The following RSRC1 variants were observed in gnomAD, a reference collection of about 807,000 sequenced individuals.
The protein encoded by RSRC1 is arginine and serine rich coiled-coil 1.
RSRC1 carries 39 observed loss-of-function variants against 49.1 expected under a neutral mutation model. That is an observed-to-expected ratio of 0.79 (90% CI 0.61 to 1.04). The LOEUF (loss-of-function observed/expected upper bound fraction) is 1.04, where lower values mean the gene tolerates loss of function less well. Ranked by LOEUF, RSRC1 falls within the 50% of genes least tolerant of loss-of-function variation. RSRC1 has a pLI of 0.00. For missense variants in RSRC1, 388 were observed against 402.4 expected, an observed-to-expected ratio of 0.96 and a Z score of 0.31; for synonymous variants, 143 against 130.8, an observed-to-expected ratio of 1.09 and a Z score of -0.63.
At chr3:158,286,814 A>G (rs955698296) in intron 4 of RSRC1, among the ~76,000 whole-genome samples, 1 of 152,186 alleles carries the variant, frequency 6.6e-6, no homozygotes, top group African/African-American at 2.4e-5. Context: ...GAGTTATTCA[A>G]ACTTTGCTGT....
At chr3:158,293,566 T>A (rs1727070287) in intron 4 of RSRC1, among the ~76,000 whole-genome samples, 1 of 152,100 alleles carries the variant, frequency 6.6e-6, no homozygotes, top group Non-Finnish European at 1.5e-5. Flanking sequence ...TCTAGTTTTC[T>A]TTTTAGTTAC....
chr3:158,512,722 C>T (rs1402881919), intron 7 of RSRC1, among the ~76,000 whole-genome samples: 8 of 149,388 alleles, frequency 5.4e-5, no homozygotes, highest in African/African-American at 1.8e-4. Context: ...GCCATTTTCA[C>T]GATATTGATT....
At chr3:158,466,824 G>A (rs1737911042) in intron 7 of RSRC1, among the ~76,000 whole-genome samples, 1 of 152,178 alleles carries the variant, frequency 6.6e-6, no homozygotes, top group Non-Finnish European at 1.5e-5. Flanking sequence ...CACTTTGGAA[G>A]GCCAAGGAAG....
intron 3 of RSRC1, among the ~76,000 whole-genome samples, chr3:158,167,332 A>G (rs1249687681): frequency 6.6e-6 from 1 of 152,032 alleles, no homozygotes; most frequent in Non-Finnish European, 1.5e-5. Context: ...GACCACAGGC[A>G]CATGCACACC....
At chr3:158,486,296 G>A (rs1738817903) in intron 7 of RSRC1, among the ~76,000 whole-genome samples, 1 of 152,222 alleles carries the variant, frequency 6.6e-6, no homozygotes, top group African/African-American at 2.4e-5. Flanking sequence ...TGTTCAAAGG[G>A]AGAGGTCATT....
At chr3:158,267,392 T>C (rs1367106960) in intron 4 of RSRC1, among the ~76,000 whole-genome samples, 1 of 152,076 alleles carries the variant, frequency 6.6e-6, no homozygotes, top group African/African-American at 2.4e-5. Context: ...AATAAATGTT[T>C]TCCCCCAAAT....
intron 7 of RSRC1, among the ~76,000 whole-genome samples, chr3:158,495,529 A>G (rs1004715921): frequency 2.0e-5 from 3 of 151,904 alleles, no homozygotes; most frequent in Admixed American, 2.0e-4. Flanking sequence ...CAAGTGATCC[A>G]CCCACCTCAG....
At chr3:158,409,517 G>A (rs973801191) in intron 6 of RSRC1, among the ~76,000 whole-genome samples, 4 of 151,686 alleles carry the variant, frequency 2.6e-5, no homozygotes, top group African/African-American at 9.7e-5. Context: ...CCCTAACATT[G>A]TATTTTATGT....
At chr3:158,470,490 A>C (rs889601991) in intron 7 of RSRC1, among the ~76,000 whole-genome samples, 2 of 152,042 alleles carry the variant, frequency 1.3e-5, no homozygotes, top group Admixed American at 6.6e-5. Context: ...ACCATGTTAC[A>C]AGATGATGGT....
At chr3:158,480,516 A>G (rs1738565945) in intron 7 of RSRC1, among the ~76,000 whole-genome samples, 1 of 152,064 alleles carries the variant, frequency 6.6e-6, no homozygotes, top group African/African-American at 2.4e-5. Flanking sequence ...GGTTTTTTCT[A>G]ATTTTTATAT....
chr3:158,344,632 T>C (rs1006248730), intron 5 of RSRC1, among the ~76,000 whole-genome samples: 2 of 152,144 alleles, frequency 1.3e-5, no homozygotes, highest in African/African-American at 4.8e-5. Flanking sequence ...CTTTTAGCAT[T>C]AGGGAAAATG....
At chr3:158,238,886 G>C (rs1405078312) in intron 4 of RSRC1, among the ~76,000 whole-genome samples, 1 of 152,108 alleles carries the variant, frequency 6.6e-6, no homozygotes, top group African/African-American at 2.4e-5. Flanking sequence ...TTAAACTAAA[G>C]AACTTCTGCA....
intron 4 of RSRC1, among the ~76,000 whole-genome samples, chr3:158,248,175 A>C (rs906413301): frequency 6.6e-5 from 10 of 152,164 alleles, no homozygotes; most frequent in African/African-American, 2.4e-4. Flanking sequence ...CCCCAGCTTC[A>C]GGCAACCACT....
intron 6 of RSRC1, among the ~76,000 whole-genome samples, chr3:158,433,407 A>G (rs1735882074): frequency 1.3e-5 from 2 of 151,964 alleles, no homozygotes; most frequent in South Asian, 4.1e-4. Context: ...AAATAAGGTA[A>G]TACAGAGATG....
At chr3:158,533,570 A>G (rs1171752562) in intron 7 of RSRC1, among the ~76,000 whole-genome samples, 1 of 151,698 alleles carries the variant, frequency 6.6e-6, no homozygotes, top group African/African-American at 2.4e-5. Context: ...TTGTGAGGTC[A>G]CCTCTGACAT....
intron 3 of RSRC1, among the ~76,000 whole-genome samples, chr3:158,183,118 A>G (rs1465807717): frequency 6.6e-6 from 1 of 152,162 alleles, no homozygotes; most frequent in Non-Finnish European, 1.5e-5. Context: ...ATAAAGATAA[A>G]TAAGTTATTA....
chr3:158,340,193 C>T (rs763000451), intron 5 of RSRC1, among the ~76,000 whole-genome samples: 8 of 152,102 alleles, frequency 5.3e-5, no homozygotes, highest in Non-Finnish European at 1.0e-4. Context: ...ATAAGTCTCA[C>T]GAGATCTGAT....
At chr3:158,393,215 A>T (rs987913451) in intron 6 of RSRC1, among the ~76,000 whole-genome samples, 10 of 152,088 alleles carry the variant, frequency 6.6e-5, no homozygotes, top group African/African-American at 2.2e-4. Context: ...TCAAAAAGTT[A>T]GAAAGATCCC....
intron 6 of RSRC1, among the ~76,000 whole-genome samples, chr3:158,392,503 T>C (rs1472699030): frequency 6.6e-6 from 1 of 152,040 alleles, no homozygotes; most frequent in Admixed American, 6.6e-5. Context: ...TATTTAATAT[T>C]TTTTCCAAGA....
Sources: allele counts gnomAD v4.1 joint callset (sites outside exome capture counted in the v4.1 genomes callset), GRCh38; gene constraint gnomAD v4.1.1; transcripts MANE v1.5; gene names NCBI Gene and HGNC (gene_info 2026-07-23, HGNC 2026-07-21).